Variants in AKAP3 observed in about 807,000 individuals in gnomAD.
AKAP3 encodes the protein A-kinase anchor protein 3.
In AKAP3, 27 loss-of-function variants were observed where a neutral mutation model predicts 57.2. That is an observed-to-expected ratio of 0.47 (90% CI 0.35 to 0.65). AKAP3 has a LOEUF of 0.65. AKAP3 is among the 30% of genes least tolerant of loss of function. The probability of loss-of-function intolerance (pLI) is 0.01; values close to 1 mark genes in which losing one functional copy is unlikely to be tolerated. For missense variants in AKAP3, 959 were observed against 1,040.0 expected, an observed-to-expected ratio of 0.92 and a Z score of 1.07; for synonymous variants, 334 against 392.3, an observed-to-expected ratio of 0.85 and a Z score of 1.76.
At position 4,626,758 on chromosome 12, in the gene AKAP3, T is replaced by C; in HGVS notation, c.2144A>G (p.Tyr715Cys). The change falls in exon 5 of 6, where the codon TAT becomes TGT. Residue 715 changes from tyrosine (Y) to cysteine (C), a missense_variant. Tyr to Cys is a radical substitution (Grantham distance 194, BLOSUM62 -2). Transcript: ENST00000228850. Reference sequence around the variant, plus strand: ...TGTGCCCTTGGCTGGTAAGCACTCATATAAACTATCTGGGAAGGCCGAAGT... The same window carrying C: ...TGTGCCCTTGGCTGGTAAGCACTCACATAAACTATCTGGGAAGGCCGAAGT... ...RLTSAFPDSL[Y>C]ECLPAKGTGS... 6.2e-7 allele frequency: 1 copy of C among 1,613,186 alleles called. No individual in the cohort carries two copies. The highest frequency in any genetic ancestry group is 8.5e-7 in the Non-Finnish European group (1 of 1,179,958).
chr12:4,632,462 T>C (rs1945510449), intron 4 of AKAP3, among the ~76,000 whole-genome samples: 1 of 152,090 alleles, frequency 6.6e-6, no homozygotes, highest in African/African-American at 2.4e-5. Context: ...GGGTTAGCAG[T>C]TATGATTAAT....
chr12:4,635,964 CAAAG>C, intron 4 of AKAP3: 1 of 1,158,188 alleles, frequency 8.6e-7, no homozygotes, highest in Non-Finnish European at 1.3e-6. Flanking sequence ...CCATATTTCA[CAAAG>C]AAACAGCTTT....
intron 1 of AKAP3, among the ~76,000 whole-genome samples, chr12:4,646,349 G>A (rs1000084680): frequency 2.6e-5 from 4 of 151,876 alleles, no homozygotes; most frequent in Non-Finnish European, 4.4e-5. Flanking sequence ...ATTCAAAAGC[G>A]GCTGGTTTAT....
intron 2 of AKAP3, among the ~76,000 whole-genome samples, chr12:4,642,554 C>T (rs958675172): frequency 5.9e-5 from 9 of 152,176 alleles, no homozygotes; most frequent in African/African-American, 1.4e-4. Flanking sequence ...ATCCACCCAG[C>T]CCCCCAGTAA....
At chr12:4,632,390 C>T (rs1591530227) in intron 4 of AKAP3, among the ~76,000 whole-genome samples, 2 of 152,098 alleles carry the variant, frequency 1.3e-5, no homozygotes, top group African/African-American at 2.4e-5. Flanking sequence ...ATACCCCTCA[C>T]CCTAGTTTTT....
intron 5 of AKAP3, among the ~76,000 whole-genome samples, chr12:4,622,511 G>A (rs936992584): frequency 4.6e-5 from 7 of 152,138 alleles, no homozygotes; most frequent in Non-Finnish European, 2.9e-5. Context: ...TGACAAAGCT[G>A]ACAAAAACAA....
rs1555126704 is a variant in AKAP3, at chr12:4,624,809, G to GGTGTGTGTGTGTGTGT, written c.2406+1671_2406+1686dup. 1.3e-3 allele frequency among the ~76,000 whole-genome samples: 111 copies of GGTGTGTGTGTGTGTGT among 87,870 alleles called. 4 individuals are homozygous for GGTGTGTGTGTGTGTGT. The highest frequency in any genetic ancestry group is 5.9e-3 in the East Asian group (21 of 3,576). The allele number at this position is 87,870 out of a possible 152,430, so 57.6% of individuals were successfully genotyped here. A position where few individuals can be genotyped will look rare whatever the true frequency, so the allele number is the denominator to read the frequency against. ...TGGCTTTATCTTTAGAGTAGACAAAGGTGTGTGTGTGTGTGTATATAAAAG... is the reference window on the plus strand; with the variant it reads ...TGGCTTTATCTTTAGAGTAGACAAAGGTGTGTGTGTGTGTGTGTGTGTGTGTGTGTGTATATAAAAG... On this transcript the variant is annotated intron_variant, in intron 5 of 5. Transcript: ENST00000228850.
rs544268935 is a variant in AKAP3 at position 4,631,458 on chromosome 12, C to T, written c.97-2653G>A. The T allele has an allele frequency of 5.1e-5, 33 of 649,078 alleles. No homozygotes were observed. In the Admixed American group the frequency reaches 6.2e-4, roughly 12 times the overall value. 40.2% of individuals were successfully genotyped at this position (649,078 alleles called of 1,614,324 possible). A position where few individuals can be genotyped will look rare whatever the true frequency, so the allele number is the denominator to read the frequency against. ...TTAGAATTGAAGCTATAAACTGTCT[C>T]TATCAGTGTCTGTATCACTATGTGT... On this transcript the variant is annotated intron_variant, in intron 4 of 5. Transcript: ENST00000228850.
intron 5 of AKAP3, among the ~76,000 whole-genome samples, chr12:4,617,282 A>C (rs995239426): frequency 1.6e-4 from 25 of 152,242 alleles, no homozygotes; most frequent in African/African-American, 5.5e-4. Context: ...AGATTAAATA[A>C]AACTGAGAGA....
intron 4 of AKAP3, among the ~76,000 whole-genome samples, chr12:4,633,865 C>T (rs562379219): frequency 2.0e-5 from 3 of 151,972 alleles, no homozygotes; most frequent in Non-Finnish European, 2.9e-5. Flanking sequence ...ATTCTTTAAA[C>T]ACCTATAGCA....
intron 4 of AKAP3, among the ~76,000 whole-genome samples, chr12:4,633,362 T>C (rs904682516): frequency 6.6e-6 from 1 of 152,188 alleles, no homozygotes; most frequent in Admixed American, 6.5e-5. Context: ...CACAGAATTG[T>C]GTTAAGTTGC....
chr12:4,630,813 G>T (rs1247865534), intron 4 of AKAP3, among the ~76,000 whole-genome samples: 2 of 152,172 alleles, frequency 1.3e-5, no homozygotes, highest in African/African-American at 4.8e-5. Flanking sequence ...AGGTCAGTTT[G>T]CCTCCAATGG....
At chr12:4,635,743 G>A in intron 4 of AKAP3, 1 of 718,794 alleles carries the variant, frequency 1.4e-6, no homozygotes, top group Non-Finnish European at 2.6e-6. Flanking sequence ...CTAGGCTACG[G>A]TATCATTCTT....
chr12:4,635,684 G>C (rs1418069261), intron 4 of AKAP3: 2 of 742,056 alleles, frequency 2.7e-6, no homozygotes, highest in Non-Finnish European at 4.8e-6. Flanking sequence ...CTCATTTGTG[G>C]TATCATATAC....
chr12:4,638,749 C>A (rs368540628), intron 3 of AKAP3, among the ~76,000 whole-genome samples: 12 of 152,332 alleles, frequency 7.9e-5, no homozygotes, highest in African/African-American at 2.9e-4. Flanking sequence ...TGGGGGAATT[C>A]TCAGCCTCTA....
chr12:4,621,611 G>T (rs1160784780), intron 5 of AKAP3, among the ~76,000 whole-genome samples: 2 of 152,102 alleles, frequency 1.3e-5, no homozygotes, highest in Non-Finnish European at 2.9e-5. Context: ...GGAGCAATAG[G>T]CTATACAATA....
intron 3 of AKAP3, among the ~76,000 whole-genome samples, chr12:4,641,303 A>G (rs1945635287): frequency 6.6e-6 from 1 of 152,066 alleles, no homozygotes; most frequent in Non-Finnish European, 1.5e-5. Flanking sequence ...AATGTTCCTC[A>G]AAAATGTTCA....
At chr12:4,648,339 C>T (rs186095571) in intron 1 of AKAP3, 2 of 152,322 alleles carry the variant, frequency 1.3e-5, no homozygotes, top group Admixed American at 1.3e-4. Flanking sequence ...ACAGATTTCC[C>T]GAAGCCCACT....
In AKAP3 at chr12:4,648,816, C is replaced by T. The variant is rs1945732230; in HGVS notation, c.-316G>A. ...AGTCAGGAAAGGTGAGCTCTTCTAC[C>T]TCGGGTCTTGCCATTTTGCATGTCC... On this transcript the variant is annotated 5_prime_UTR_variant, in exon 1 of 6. Coordinates refer to ENST00000228850, the MANE Select transcript of AKAP3 (RefSeq NM_001278309.2). The T allele has an allele frequency of 2.9e-6, 1 of 345,232 alleles. No homozygotes were observed. The highest frequency in any genetic ancestry group is 2.1e-5 in the African/African-American group (1 of 46,594). 21.4% of individuals were successfully genotyped at this position (345,232 alleles called of 1,614,324 possible).
Sources: allele counts gnomAD v4.1 joint callset (sites outside exome capture counted in the v4.1 genomes callset), GRCh38; gene constraint gnomAD v4.1.1; transcripts MANE v1.5; gene names NCBI Gene and HGNC (gene_info 2026-07-23, HGNC 2026-07-21).